The following MROH1 variants were observed in gnomAD, a reference collection of about 807,000 sequenced individuals.
MROH1 encodes maestro heat-like repeat-containing protein family member 1.
Under a neutral mutation model 116.5 loss-of-function variants are expected in MROH1, and 117 were observed. The observed-to-expected ratio is 1.00, with a 90% CI of 0.86 to 1.17. The LOEUF (loss-of-function observed/expected upper bound fraction) is 1.17, where lower values mean the gene tolerates loss of function less well. MROH1 is among the 50% of genes most tolerant of loss of function. The pLI is 0.00. For missense variants in MROH1, 1,873 were observed against 1,338.5 expected (o/e 1.40, Z -6.23); for synonymous variants, 921 against 583.9 (o/e 1.58, Z -8.32).
Position 144,180,489 on chromosome 8 carries a change from C to G in MROH1, c.528C>G (p.Ala176=). The G allele has an allele frequency of 6.2e-7, 1 of 1,612,052 alleles. No homozygotes were observed. The highest frequency in any genetic ancestry group is 8.5e-7 in the Non-Finnish European group (1 of 1,179,816). ...LSSLLPVLGV[A]KQDTVRVAFC... ...CCCTGCTGCCCGTGCTGGGCGTGGC[C>G]AAGCAGGACACGGTGCGCGTGGCCT... The change falls in exon 7 of 44, where the codon GCC becomes GCG. Residue 176 remains alanine (A), a synonymous_variant. Coordinates refer to ENST00000326134, the MANE Select transcript of MROH1 (RefSeq NM_032450.3). The surrounding 1 kb of genome is among the most constrained non-coding windows in gnomAD (Gnocchi z 7.4).
At chr8:144,258,640 TC>T in intron 35 of MROH1, 136 bp from the exon 36 acceptor site, 1 of 672,860 alleles carries the variant, frequency 1.5e-6, no homozygotes, top group Non-Finnish European at 2.7e-6. Flanking sequence ...AGAGCCTGCT[TC>T]CTGGAGAGTG....
chr8:144,253,084 G>A (rs1843109166), intron 33 of MROH1, among the ~76,000 whole-genome samples: 1 of 151,692 alleles, frequency 6.6e-6, no homozygotes, highest in African/African-American at 2.4e-5. Context: ...AACCTGGGAG[G>A]TGGAGGTTGC....
intron 14 of MROH1, among the ~76,000 whole-genome samples, chr8:144,229,111 C>T (rs578059099): frequency 1.3e-5 from 2 of 152,330 alleles, no homozygotes; most frequent in South Asian, 2.1e-4. Flanking sequence ...GGCTCCATTT[C>T]CAATTCTAAT....
chr8:144,199,150 C>G lies in MROH1; in HGVS notation c.977C>G (p.Pro326Arg), dbSNP rs768777894. Residue 326 changes from proline to arginine, a missense_variant, in exon 11 of 44, where the codon CCC becomes CGC. Transcript: ENST00000326134. ...QICVPVESSS[P>R]LVMSNQKEVL... ...TGTGTGCCTGTGGAGTCCTCAAGCC[C>G]CCTGGTGATGAGTAACCAGAAGGAG... is the stretch of plus-strand genomic sequence containing the variant. The G allele has an allele frequency of 6.2e-7, 1 of 1,613,756 alleles. No individual in the cohort carries two copies. Among genetic ancestry groups the G allele is most frequent in the Non-Finnish European group, 8.5e-7 (1 of 1,179,834 alleles).
Position 144,243,566 on chromosome 8 carries a change from G to A in MROH1, c.2425G>A (p.Ala809Thr), listed in dbSNP as rs1009477947. Residue 809 changes from alanine to threonine, a missense_variant, in exon 25 of 44, where the codon GCT becomes ACT. Transcript: ENST00000326134. The stretch of plus-strand genomic sequence containing the variant: ...CCGCGCCATCTGCAGCAGCACCCAG[G>A]CTGGCTCCTTCCACTTCACCCGGAA... The part of the protein sequence containing the change: ...VSRAICSSTQ[A>T]GSFHFTRKAE... The A allele has an allele frequency of 4.4e-5, 34 of 780,164 alleles. No individual in the cohort carries two copies. The highest frequency in any genetic ancestry group is 2.7e-4 in the African/African-American group (16 of 59,264). The allele number at this position is 780,164 out of a possible 1,614,324, so 48.3% of individuals were successfully genotyped here. A position where few individuals can be genotyped will look rare whatever the true frequency, so the allele number is the denominator to read the frequency against.
At chr8:144,166,961 T>C (rs1820989436) in intron 3 of MROH1, among the ~76,000 whole-genome samples, 1 of 152,328 alleles carries the variant, frequency 6.6e-6, no homozygotes, top group Non-Finnish European at 1.5e-5. Context: ...GTCTAACTAC[T>C]GGACTTTGGA....
At chr8:144,210,315 G>A (rs1833824886) in intron 12 of MROH1, among the ~76,000 whole-genome samples, 1 of 151,986 alleles carries the variant, frequency 6.6e-6, no homozygotes, top group African/African-American at 2.4e-5. Context: ...GCAGGTGCCT[G>A]TAATCCCAGC....
chr8:144,254,566 G>A (rs1843366516), intron 33 of MROH1: 1 of 512,682 alleles, frequency 2.0e-6, no homozygotes, highest in Non-Finnish European at 3.5e-6. Context: ...CACTGCCCTG[G>A]GCCCTGTGTG....
chr8:144,225,727 T>G (rs530211987), intron 14 of MROH1, among the ~76,000 whole-genome samples: 1 of 151,534 alleles, frequency 6.6e-6, no homozygotes, highest in Non-Finnish European at 1.5e-5. Flanking sequence ...AATTTTTTAT[T>G]TTTTAAATTT....
chr8:144,153,498 C>T (rs900245713), intron 1 of MROH1, among the ~76,000 whole-genome samples: 66 of 152,166 alleles, frequency 4.3e-4, no homozygotes, highest in African/African-American at 1.5e-3. Flanking sequence ...CGCCCAGCCT[C>T]CTTTTTTAAG....
intron 12 of MROH1, among the ~76,000 whole-genome samples, chr8:144,219,840 G>T (rs917883352): frequency 4.6e-5 from 7 of 152,290 alleles, no homozygotes; most frequent in African/African-American, 1.7e-4. Flanking sequence ...CAGGGTATGG[G>T]GTGTATGAGC....
At position 144,243,504 on chromosome 8, in the gene MROH1, T is replaced by G; in HGVS notation, c.2363T>G (p.Leu788Arg). 1.3e-6 allele frequency: 1 copy of G among 779,858 alleles called. No individual in the cohort carries two copies. The highest frequency in any genetic ancestry group is 2.4e-6 in the Non-Finnish European group (1 of 417,820). 48.3% of individuals were successfully genotyped at this position (779,858 alleles called of 1,614,324 possible). A position where few individuals can be genotyped will look rare whatever the true frequency, so the allele number is the denominator to read the frequency against. Residue 788 changes from leucine to arginine, a missense_variant, in exon 25 of 44, where the codon CTG (leucine) becomes CGG (arginine). Coordinates refer to ENST00000326134, the MANE Select transcript of MROH1 (RefSeq NM_032450.3). ...CCTGCGTCCCTGCAGGACCCAGCCC[T>G]GAAGCTGTGCCTTGTCCAGAGTGTG... ...GIKVETKDPA[L>R]KLCLVQSVCM...
Position 144,254,884 on chromosome 8 carries a change from TGGA to T in MROH1, c.3502_3504del (p.Glu1168del). 1 of 778,238 alleles carries T rather than the reference TGGA, an allele frequency of 1.3e-6. No individual in the cohort carries two copies. Among genetic ancestry groups the T allele is most frequent in the East Asian group, 2.4e-5 (1 of 41,228 alleles). The allele number at this position is 778,238 out of a possible 1,614,324, so 48.2% of individuals were successfully genotyped here. A position where few individuals can be genotyped will look rare whatever the true frequency, so the allele number is the denominator to read the frequency against. On this transcript the variant is annotated inframe_deletion, in exon 34 of 44. Transcript: ENST00000326134. ...GCTGCCCAGGTCCTGGGGCTGCTGCTGGAGAAGATGAGTAGGGACGTCCCTTTC... is the reference window on the plus strand; with the variant it reads ...GCTGCCCAGGTCCTGGGGCTGCTGCTGAAGATGAGTAGGGACGTCCCTTTC...
chr8:144,245,299 T>C, intron 29 of MROH1, 39 bp downstream of exon 29: 1 of 771,316 alleles, frequency 1.3e-6, no homozygotes, highest in Non-Finnish European at 2.4e-6. Flanking sequence ...CTGCTGCCTG[T>C]GTTACTCATG....
chr8:144,260,313 C>T lies in MROH1; in HGVS notation c.4319C>T (p.Ser1440Phe), dbSNP rs954403086. ...GLARLVHLVE[S>F]WDLRSGLLHV... Reference sequence around the variant, plus strand: ...GCGAGGCTGGTGCACCTGGTGGAGTCCTGGGACCTGCGCTCAGGGCTGCTG... The same window carrying T: ...GCGAGGCTGGTGCACCTGGTGGAGTTCTGGGACCTGCGCTCAGGGCTGCTG... Residue 1440 changes from serine to phenylalanine, a missense_variant, in exon 39 of 44, where the codon TCC becomes TTC. Physicochemically the swap from Ser to Phe is radical, Grantham distance 155. Transcript: ENST00000326134. The T allele has an allele frequency of 1.3e-6, 1 of 748,374 alleles. No individual in the cohort carries two copies. Among genetic ancestry groups the T allele is most frequent in the Non-Finnish European group, 2.4e-6 (1 of 408,304 alleles). The allele number at this position is 748,374 out of a possible 1,614,324, so 46.4% of individuals were successfully genotyped here. A position where few individuals can be genotyped will look rare whatever the true frequency, so the allele number is the denominator to read the frequency against.
intron 14 of MROH1, among the ~76,000 whole-genome samples, chr8:144,227,995 G>T (rs1400472862): frequency 6.6e-6 from 1 of 151,998 alleles, no homozygotes; most frequent in Non-Finnish European, 1.5e-5. Context: ...ACTTTAGGAG[G>T]CTGGGGCAGG....
At chr8:144,167,880 C>A (rs1378900273) in intron 3 of MROH1, among the ~76,000 whole-genome samples, 2 of 152,158 alleles carry the variant, frequency 1.3e-5, no homozygotes, top group Non-Finnish European at 2.9e-5. Context: ...GGCATAGACC[C>A]TCGGGGAGCC....
intron 12 of MROH1, 94 bp from the exon 13 acceptor site, chr8:144,220,506 G>A: frequency 9.3e-7 from 1 of 1,076,208 alleles, no homozygotes; most frequent in South Asian, 1.5e-5. Flanking sequence ...TCCTACACGG[G>A]GACCACGGGG....
At chr8:144,249,262 G>A (rs1842435845) in intron 32 of MROH1, among the ~76,000 whole-genome samples, 2 of 152,172 alleles carry the variant, frequency 1.3e-5, no homozygotes. Context: ...TTTCTCTTAT[G>A]TCTGAAGACA....
Sources: allele counts gnomAD v4.1 joint callset (sites outside exome capture counted in the v4.1 genomes callset), GRCh38; gene constraint gnomAD v4.1.1; non-coding constraint Gnocchi (gnomAD v3.1); transcripts MANE v1.5; gene names NCBI Gene and HGNC (gene_info 2026-07-23, HGNC 2026-07-21).